Variants in IQCM observed in about 807,000 individuals in gnomAD.
The protein encoded by IQCM is IQ motif containing M.
Under a neutral mutation model 57.6 loss-of-function variants are expected in IQCM, and 45 were observed. The observed-to-expected ratio is 0.78, with a 90% CI of 0.62 to 1.00. The LOEUF is 1.00. Among genes scored for constraint, IQCM ranks in the 50% least tolerant of loss-of-function variants. The probability of loss-of-function intolerance (pLI) is 0.00; values close to 1 mark genes in which losing one functional copy is unlikely to be tolerated. For missense variants in IQCM, 468 were observed against 511.6 expected (o/e 0.91, Z 0.82); for synonymous variants, 148 against 158.9 (o/e 0.93, Z 0.51).
chr4:149,442,995 A>G (rs971795271), intron 12 of IQCM, among the ~76,000 whole-genome samples: 5 of 129,522 alleles, frequency 3.9e-5, no homozygotes, highest in African/African-American at 1.4e-4. Context: ...GAGAGAGAGA[A>G]AGGAATTTAT....
chr4:149,785,211 G>C (rs991655824), intron 2 of IQCM, among the ~76,000 whole-genome samples: 1 of 152,144 alleles, frequency 6.6e-6, no homozygotes, highest in African/African-American at 2.4e-5. Context: ...AGACAATGGA[G>C]CAATGAGTAA....
chr4:149,376,673 C>T (rs1336730841), intron 13 of IQCM, among the ~76,000 whole-genome samples: 1 of 152,104 alleles, frequency 6.6e-6, no homozygotes, highest in Non-Finnish European at 1.5e-5. Flanking sequence ...ATGACTCTAA[C>T]ATGAAACCAG....
chr4:149,720,914 A>G (rs1247860701), intron 5 of IQCM, among the ~76,000 whole-genome samples: 2 of 152,164 alleles, frequency 1.3e-5, no homozygotes, highest in Non-Finnish European at 2.9e-5. Flanking sequence ...ACTCAGCATA[A>G]TTTTCCATCT....
chr4:149,718,036 A>T lies in IQCM; in HGVS notation c.385+15208T>A, dbSNP rs1324713634. Among the ~76,000 whole-genome samples, 4 of 152,210 alleles carry T rather than the reference A, an allele frequency of 2.6e-5. 1 individual carries two copies. The highest frequency in any genetic ancestry group is 5.9e-5 in the Non-Finnish European group (4 of 68,044). ...CTTTCTCTTAGTTCAGACAAAGAAG[A>T]CTGGCTAGACAGAGAGGTTCATGGC... On this transcript the variant is annotated intron_variant, in intron 5 of 13. Coordinates refer to ENST00000636793, the MANE Select transcript of IQCM (RefSeq NM_001363507.2).
intron 12 of IQCM, among the ~76,000 whole-genome samples, chr4:149,504,765 T>G (rs1317094835): frequency 6.6e-6 from 1 of 151,978 alleles, no homozygotes; most frequent in Non-Finnish European, 1.5e-5. Context: ...ATACAAAAAT[T>G]AGCCTGGCAT....
At chr4:149,609,321 G>A (rs1445310061) in intron 8 of IQCM, among the ~76,000 whole-genome samples, 1 of 151,808 alleles carries the variant, frequency 6.6e-6, no homozygotes, top group African/African-American at 2.4e-5. Flanking sequence ...TTAAAGAACA[G>A]CTAATACTAA....
chr4:149,416,462 T>C (rs1733756216), intron 13 of IQCM, among the ~76,000 whole-genome samples: 1 of 152,084 alleles, frequency 6.6e-6, no homozygotes, highest in Non-Finnish European at 1.5e-5. Context: ...TAAGGCAGTG[T>C]TTCTCAATTT....
intron 7 of IQCM, among the ~76,000 whole-genome samples, chr4:149,652,643 C>A (rs531592132): frequency 6.6e-6 from 1 of 151,466 alleles, no homozygotes; most frequent in Admixed American, 6.6e-5. Flanking sequence ...GAAAAAAAAA[C>A]ATCATTTCCA....
intron 12 of IQCM, among the ~76,000 whole-genome samples, chr4:149,509,979 T>A (rs1744232965): frequency 6.6e-6 from 1 of 152,182 alleles, no homozygotes; most frequent in South Asian, 2.1e-4. Context: ...TGCTAACTTT[T>A]ACTTTTATGA....
intron 7 of IQCM, among the ~76,000 whole-genome samples, chr4:149,664,723 C>A (rs539798141): frequency 6.6e-6 from 1 of 152,242 alleles, no homozygotes; most frequent in Non-Finnish European, 1.5e-5. Context: ...TCTAAGGGTG[C>A]AGGGCTGCTG....
intron 12 of IQCM, among the ~76,000 whole-genome samples, chr4:149,486,018 TCTCTCTCTC>T: frequency 2.3e-4 from 1 of 4,278 alleles, no homozygotes; most frequent in African/African-American, 9.5e-4. Context: ...GCAAACAGAG[TCTCTCTCTC>T]TCTCTCTCTC....
intron 5 of IQCM, among the ~76,000 whole-genome samples, chr4:149,698,275 C>T (rs4835593): frequency 0.5 from 75,835 of 151,830 alleles, 19,248 homozygotes; most frequent in South Asian, 0.59. Context: ...GCAAAGTTTA[C>T]ATTTCATAAT....
chr4:149,623,614 G>A (rs1474692631), intron 7 of IQCM, among the ~76,000 whole-genome samples: 1 of 152,122 alleles, frequency 6.6e-6, no homozygotes, highest in African/African-American at 2.4e-5. Context: ...CTAATAGTTT[G>A]ATGAAGACCA....
chr4:149,469,876 C>A (rs7377255), intron 12 of IQCM, among the ~76,000 whole-genome samples: 81,242 of 151,890 alleles, frequency 0.53, 21,950 homozygotes, highest in South Asian at 0.56. Context: ...CCAAACTAAG[C>A]TTCATAAGTG....
chr4:149,377,917 C>A (rs947930037), intron 13 of IQCM, among the ~76,000 whole-genome samples: 13 of 152,112 alleles, frequency 8.5e-5, no homozygotes, highest in African/African-American at 3.1e-4. Context: ...TGTGTCCTCA[C>A]CCAAATCTCA....
At chr4:149,683,574 T>C (rs929399583) in intron 6 of IQCM, among the ~76,000 whole-genome samples, 10 of 151,272 alleles carry the variant, frequency 6.6e-5, no homozygotes, top group African/African-American at 2.4e-4. Context: ...GAGACGTGAG[T>C]ATGCAGTCAG....
intron 2 of IQCM, among the ~76,000 whole-genome samples, chr4:149,761,015 T>C (rs1769454916): frequency 6.6e-6 from 1 of 152,102 alleles, no homozygotes; most frequent in African/African-American, 2.4e-5. Context: ...ACAGAGAATT[T>C]TGTAAAACAA....
chr4:149,697,077 G>A (rs192320687), intron 5 of IQCM, among the ~76,000 whole-genome samples: 8 of 152,128 alleles, frequency 5.3e-5, no homozygotes, highest in Admixed American at 1.3e-4. Context: ...CATAACATTC[G>A]TCTTTAAATC....
chr4:149,705,026 G>A (rs531000276), intron 5 of IQCM, among the ~76,000 whole-genome samples: 1 of 151,584 alleles, frequency 6.6e-6, no homozygotes, highest in Non-Finnish European at 1.5e-5. Flanking sequence ...TTCAGACTTG[G>A]ACTTACAACA....
Sources: gnomAD v4.1 joint callset for allele counts (sites outside exome capture counted in the v4.1 genomes callset) on GRCh38, gnomAD v4.1.1 for gene constraint, MANE v1.5 for transcripts, NCBI Gene and HGNC (gene_info 2026-07-23, HGNC 2026-07-21) for gene names.